The following NRXN1 variants were observed in gnomAD, a reference collection of about 807,000 sequenced individuals.
The protein encoded by NRXN1 is neurexin 1.
Under a neutral mutation model 150.9 loss-of-function variants are expected in NRXN1, and 39 were observed. The observed-to-expected ratio is 0.26, with a 90% CI of 0.20 to 0.34. The LOEUF is 0.34. NRXN1 is among the 10% of genes least tolerant of loss of function. The pLI is 1.00. For synonymous variants in NRXN1, 924 were observed against 757.0 expected (o/e 1.22, Z -3.62); for missense variants, 1,815 against 1,949.9 (o/e 0.93, Z 1.30).
rs1346458854 is a variant in NRXN1 at position 50,481,924 on chromosome 2, C to A, written c.3071-9453G>T. ...GGGACTACAGGCGCCCGCCACTACG[C>A]CCGGCTAATTTTTTTTTGTATTTTT... On this transcript the variant is annotated intron_variant, in intron 15 of 22. Transcript: ENST00000401669. 1.4e-5 allele frequency among the ~76,000 whole-genome samples: 2 copies of A among 145,560 alleles called. 1 individual carries two copies. The highest frequency in any genetic ancestry group is 5.5e-5 in the African/African-American group (2 of 36,150).
rs549652888 is a variant in NRXN1, at chr2:50,301,765, A to G, written c.3365-64795T>C. 2.0e-5 allele frequency among the ~76,000 whole-genome samples: 3 copies of G among 152,344 alleles called. No homozygotes were observed. The South Asian group carries it at 6.2e-4, about 32-fold the overall frequency. ...AAAGGAGCACAGATGAACAGCATGA[A>G]GAATCAAGATGAGGCCCATTGCCTA... On this transcript the variant is annotated intron_variant, in intron 17 of 22. Coordinates refer to ENST00000401669, the MANE Select transcript of NRXN1 (RefSeq NM_001330078.2).
chr2:50,236,029 A>G (rs531257998), intron 18 of NRXN1, among the ~76,000 whole-genome samples: 1 of 152,182 alleles, frequency 6.6e-6, no homozygotes, highest in South Asian at 2.1e-4. Flanking sequence ...TTGCAAACAT[A>G]CTCATTAATA....
intron 18 of NRXN1, among the ~76,000 whole-genome samples, chr2:50,115,622 T>A (rs891429221): frequency 6.6e-6 from 1 of 152,020 alleles, no homozygotes; most frequent in African/African-American, 2.4e-5. Flanking sequence ...GGTTCACCAA[T>A]ATCCTATACT....
intron 5 of NRXN1, among the ~76,000 whole-genome samples, chr2:50,898,260 C>T (rs543626821): frequency 5.9e-5 from 9 of 152,120 alleles, no homozygotes; most frequent in African/African-American, 2.2e-4. Flanking sequence ...CAGTTCATTC[C>T]CTCTTAGGAC....
intron 5 of NRXN1, among the ~76,000 whole-genome samples, chr2:50,795,325 T>C (rs1296282352): frequency 2.0e-5 from 3 of 152,110 alleles, no homozygotes; most frequent in Non-Finnish European, 4.4e-5. Context: ...AAAGACCCAA[T>C]TTTCTTCATG....
At chr2:50,281,148 C>CAAA (rs70946898) in intron 17 of NRXN1, among the ~76,000 whole-genome samples, 34 of 107,146 alleles carry the variant, frequency 3.2e-4, no homozygotes, top group South Asian at 6.1e-4. Context: ...ACTAAAAATA[C>CAAA]AAAAAAAAAA....
chr2:50,878,166 T>C (rs1009750999), intron 5 of NRXN1, among the ~76,000 whole-genome samples: 4 of 151,918 alleles, frequency 2.6e-5, no homozygotes, highest in Admixed American at 2.0e-4. Context: ...AATTATAAAG[T>C]TACTGAAAAT....
chr2:50,079,480 T>C (rs960130549), intron 19 of NRXN1, among the ~76,000 whole-genome samples: 1 of 152,092 alleles, frequency 6.6e-6, no homozygotes, highest in African/African-American at 2.4e-5. Context: ...TGATGAAAAT[T>C]TCTTGATCTT....
chr2:49,947,514 C>CTTTTTTTTTTTTTTTTTTTTT (rs199991365), intron 21 of NRXN1, among the ~76,000 whole-genome samples: 16 of 109,002 alleles, frequency 1.5e-4, no homozygotes, highest in South Asian at 3.0e-4. Flanking sequence ...TTTTTTTTTT[C>CTTTTTTTTTTTTTTTTTTTTT]TTTTTTTTTT....
chr2:50,761,186 C>A (rs2105383844), intron 5 of NRXN1, among the ~76,000 whole-genome samples: 1 of 151,914 alleles, frequency 6.6e-6, no homozygotes, highest in Non-Finnish European at 1.5e-5. Context: ...TTTTTATATG[C>A]ATTTTTTTAG....
At chr2:50,336,648 C>G (rs1208977330) in intron 17 of NRXN1, among the ~76,000 whole-genome samples, 1 of 152,140 alleles carries the variant, frequency 6.6e-6, no homozygotes, top group Non-Finnish European at 1.5e-5. Context: ...TCTATTATCA[C>G]AGCAGATTAT....
At chr2:50,852,597 AT>A (rs1202903240) in intron 5 of NRXN1, among the ~76,000 whole-genome samples, 2 of 152,140 alleles carry the variant, frequency 1.3e-5, no homozygotes, top group Non-Finnish European at 2.9e-5. Flanking sequence ...GGATGGTTAT[AT>A]TTGTCTTTCA....
intron 8 of NRXN1, among the ~76,000 whole-genome samples, chr2:50,555,805 T>C (rs1250107460): frequency 1.3e-5 from 2 of 152,182 alleles, no homozygotes; most frequent in African/African-American, 4.8e-5. Context: ...GAAAAAAGCA[T>C]AAACTTATGT....
At chr2:50,909,959 C>T (rs183012367) in intron 5 of NRXN1, among the ~76,000 whole-genome samples, 1 of 151,118 alleles carries the variant, frequency 6.6e-6, no homozygotes, top group Admixed American at 6.6e-5. Flanking sequence ...TACTTAGAGG[C>T]AAAAATTACG....
At chr2:50,655,362 C>G (rs1686272854) in intron 5 of NRXN1, among the ~76,000 whole-genome samples, 1 of 151,984 alleles carries the variant, frequency 6.6e-6, no homozygotes, top group South Asian at 2.1e-4. Flanking sequence ...TGTTTCAAGG[C>G]CATTGCTTCT....
At chr2:50,344,735 G>A (rs1304788767) in intron 17 of NRXN1, among the ~76,000 whole-genome samples, 1 of 152,158 alleles carries the variant, frequency 6.6e-6, no homozygotes, top group Non-Finnish European at 1.5e-5. Flanking sequence ...CCCACTCTGC[G>A]GCAGGGCCCC....
At chr2:50,404,182 T>C (rs1282764961) in intron 17 of NRXN1, among the ~76,000 whole-genome samples, 3 of 147,944 alleles carry the variant, frequency 2.0e-5, no homozygotes, top group Non-Finnish European at 2.9e-5. Context: ...TGTTTTGTTG[T>C]TGTTGTTGTT....
intron 2 of NRXN1, among the ~76,000 whole-genome samples, chr2:51,025,270 T>C (rs944011950): frequency 3.3e-5 from 5 of 152,224 alleles, no homozygotes; most frequent in African/African-American, 1.2e-4. Context: ...AATTATCCTA[T>C]GTACCAGGCA....
intron 21 of NRXN1, among the ~76,000 whole-genome samples, chr2:50,000,430 T>C (rs1683722188): frequency 6.6e-6 from 1 of 152,200 alleles, no homozygotes; most frequent in Admixed American, 6.5e-5. Flanking sequence ...TAATATTATG[T>C]GATATCCATT....
Sources: allele counts gnomAD v4.1 joint callset (sites outside exome capture counted in the v4.1 genomes callset), GRCh38; gene constraint gnomAD v4.1.1; transcripts MANE v1.5; gene names NCBI Gene and HGNC (gene_info 2026-07-23, HGNC 2026-07-21).